Variants in PITPNM3 observed in about 807,000 individuals in gnomAD.
PITPNM3 encodes membrane-associated phosphatidylinositol transfer protein 3.
PITPNM3 carries 26 observed loss-of-function variants against 102.0 expected under a neutral mutation model. That is an observed-to-expected ratio of 0.25 (90% CI 0.19 to 0.35). The LOEUF is 0.35. Among genes scored for constraint, PITPNM3 ranks in the 10% least tolerant of loss-of-function variants. The pLI, the probability that PITPNM3 is intolerant of heterozygous loss-of-function variation, is 1.00. For synonymous variants in PITPNM3, 578 were observed against 558.6 expected, an observed-to-expected ratio of 1.03 and a Z score of -0.49; for missense variants, 1,083 against 1,346.1, an observed-to-expected ratio of 0.80 and a Z score of 3.06.
chr17:6,485,529 G>A (rs1906039880), intron 4 of PITPNM3, among the ~76,000 whole-genome samples: 1 of 151,826 alleles, frequency 6.6e-6, no homozygotes, highest in Non-Finnish European at 1.5e-5. Context: ...TAATATGGCT[G>A]GATACATACT....
In PITPNM3 at chr17:6,464,153, T is replaced by C. The variant is rs1904642420; in HGVS notation, c.2156+17A>G. Reference sequence around the variant, plus strand: ...GAAATGAGAGAAACCACCCTGAGAATGGCCCCTGGGTCTTACCTGACGACC... The same window carrying C: ...GAAATGAGAGAAACCACCCTGAGAACGGCCCCTGGGTCTTACCTGACGACC... On this transcript the variant is annotated intron_variant, in intron 16 of 19. Transcript: ENST00000262483. 1.2e-6 allele frequency: 2 copies of C among 1,613,974 alleles called. No homozygotes were observed. The highest frequency in any genetic ancestry group is 1.7e-5 in the Admixed American group (1 of 59,996).
At position 6,457,333 on chromosome 17, in the gene PITPNM3, A is replaced by G. The variant is rs1002892940; in HGVS notation, c.2619+261T>C. On this transcript the variant is annotated intron_variant, in intron 19 of 19. Transcript: ENST00000262483. The surrounding 1 kb of genome is among the most constrained non-coding windows in gnomAD (Gnocchi z 4.7). Reference sequence around the variant, plus strand: ...CGTCATACATCATGGCACTTGTTACACTCCACTGTCACCAACTGCAAATGT... The same window carrying G: ...CGTCATACATCATGGCACTTGTTACGCTCCACTGTCACCAACTGCAAATGT... 6.6e-6 allele frequency among the ~76,000 whole-genome samples: 1 copy of G among 151,878 alleles called. No homozygotes were observed. The highest frequency in any genetic ancestry group is 1.5e-5 in the Non-Finnish European group (1 of 67,974).
In PITPNM3 at chr17:6,536,317, A is replaced by G. The variant is rs906568871; in HGVS notation, c.118+1670T>C. 2.0e-5 allele frequency among the ~76,000 whole-genome samples: 3 copies of G among 152,202 alleles called. No individual in the cohort carries two copies. The East Asian group carries it at 5.8e-4, about 29-fold the overall frequency. ...GAGCTGACCCTCGCGCCACCCACAG[A>G]TGCCTCTGTCGTCAGCTGGGAACGC... On this transcript the variant is annotated intron_variant, in intron 2 of 19. Transcript: ENST00000262483.
chr17:6,552,762 C>CTTTTTTTTT (rs34225911), intron 1 of PITPNM3, among the ~76,000 whole-genome samples: 20 of 89,004 alleles, frequency 2.2e-4, no homozygotes, highest in South Asian at 3.9e-4. Context: ...CTTTCTTTTT[C>CTTTTTTTTT]TTTTTTTTTT....
At chr17:6,474,751 C>T (rs974479108) in intron 9 of PITPNM3, 147 bp from the exon 10 acceptor site, 5 of 993,130 alleles carry the variant, frequency 5.0e-6, no homozygotes, top group South Asian at 3.2e-5. Context: ...ACCGGCTGCA[C>T]ACCACCTACA....
rs952936226 is a variant in PITPNM3, at chr17:6,556,537, C to G, written c.-131G>C. 12 of 558,740 alleles carry G rather than the reference C, an allele frequency of 2.1e-5. No homozygotes were observed. Among genetic ancestry groups the G allele is most frequent in the Non-Finnish European group, 2.7e-5 (12 of 441,178 alleles). 34.6% of individuals were successfully genotyped at this position (558,740 alleles called of 1,614,324 possible). A position where few individuals can be genotyped will look rare whatever the true frequency, so the allele number is the denominator to read the frequency against. On this transcript the variant is annotated 5_prime_UTR_variant, in exon 1 of 20. Coordinates refer to ENST00000262483, the MANE Select transcript of PITPNM3 (RefSeq NM_031220.4). The surrounding 1 kb of genome is among the most constrained non-coding windows in gnomAD (Gnocchi z 5.2). ...CCCCCGCCCCGCTCGCCTCGGCTGC[C>G]GCCACCGCAGCCGCCGCCGCCTCGC...
At chr17:6,467,099 GA>G (rs1904824738) in intron 14 of PITPNM3, among the ~76,000 whole-genome samples, 1 of 104,532 alleles carries the variant, frequency 9.6e-6, no homozygotes, top group African/African-American at 3.3e-5. Context: ...AAAAACAGGT[GA>G]AAACAACCCA....
chr17:6,473,627 G>A (rs1444907393), intron 10 of PITPNM3, among the ~76,000 whole-genome samples: 1 of 152,200 alleles, frequency 6.6e-6, no homozygotes, highest in Non-Finnish European at 1.5e-5. Flanking sequence ...CCTCATGCCT[G>A]CTGGTGCCAA....
At chr17:6,494,755 C>T (rs1906701733) in intron 4 of PITPNM3, among the ~76,000 whole-genome samples, 4 of 152,182 alleles carry the variant, frequency 2.6e-5, no homozygotes, top group Admixed American at 2.6e-4. Context: ...TTGGCAATGT[C>T]ATTCAACATG....
chr17:6,495,800 GA>G (rs1906772178), intron 4 of PITPNM3, among the ~76,000 whole-genome samples: 1 of 152,134 alleles, frequency 6.6e-6, no homozygotes, highest in East Asian at 1.9e-4. Flanking sequence ...AGCTGCAAGG[GA>G]ATGTACAGTC....
At chr17:6,465,016 G>A (rs56282557) in intron 14 of PITPNM3, among the ~76,000 whole-genome samples, 12 of 152,078 alleles carry the variant, frequency 7.9e-5, no homozygotes, top group Admixed American at 1.3e-4. Flanking sequence ...TTCTGCTTTC[G>A]TGTTTTTTGT....
At chr17:6,488,934 T>C (rs533740770) in intron 4 of PITPNM3, among the ~76,000 whole-genome samples, 1 of 152,300 alleles carries the variant, frequency 6.6e-6, no homozygotes, top group Admixed American at 6.5e-5. Context: ...GACAGTGTTT[T>C]TTGACAGGCT....
intron 3 of PITPNM3, among the ~76,000 whole-genome samples, chr17:6,515,282 C>T (rs1908093478): frequency 6.6e-6 from 1 of 151,416 alleles, no homozygotes; most frequent in African/African-American, 2.4e-5. Flanking sequence ...CCTGTAATCC[C>T]AGCTACTTGG....
At chr17:6,544,250 C>T (rs1235189237) in intron 1 of PITPNM3, among the ~76,000 whole-genome samples, 1 of 152,228 alleles carries the variant, frequency 6.6e-6, no homozygotes, top group East Asian at 1.9e-4. Flanking sequence ...GGAGGCCAGG[C>T]ATGGTGCCGC....
At chr17:6,496,986 A>G (rs182923365) in intron 4 of PITPNM3, among the ~76,000 whole-genome samples, 208 of 152,216 alleles carry the variant, frequency 1.4e-3, no homozygotes, top group Non-Finnish European at 2.1e-4. Flanking sequence ...GTGCAAGGGC[A>G]CACACACACA....
chr17:6,490,729 G>C (rs1906407595), intron 4 of PITPNM3, among the ~76,000 whole-genome samples: 1 of 151,614 alleles, frequency 6.6e-6, no homozygotes, highest in African/African-American at 2.4e-5. Context: ...GCTGAGGTGG[G>C]CAGATCAGTT....
chr17:6,482,092 T>C (rs896536458), intron 6 of PITPNM3, among the ~76,000 whole-genome samples: 6 of 129,758 alleles, frequency 4.6e-5, no homozygotes, highest in African/African-American at 1.7e-4. Context: ...CTCTCTGACA[T>C]TCTCCTGCCC....
intron 3 of PITPNM3, among the ~76,000 whole-genome samples, chr17:6,506,379 CTTTT>C (rs55749537): frequency 1.4e-5 from 2 of 140,648 alleles, no homozygotes; most frequent in Non-Finnish European, 1.6e-5. Flanking sequence ...TCCTTTCTCT[CTTTT>C]TTTTTTTTTG....
At chr17:6,473,316 C>T (rs1283237002) in intron 10 of PITPNM3, 4 of 235,376 alleles carry the variant, frequency 1.7e-5, no homozygotes, top group Admixed American at 1.6e-4. Context: ...GAACACTTCT[C>T]TCGCTGACCA....
Sources: allele counts gnomAD v4.1 joint callset (sites outside exome capture counted in the v4.1 genomes callset), GRCh38; gene constraint gnomAD v4.1.1; non-coding constraint Gnocchi (gnomAD v3.1); transcripts MANE v1.5; gene names NCBI Gene and HGNC (gene_info 2026-07-23, HGNC 2026-07-21).